CNTN4: variants seen among roughly 807,000 people sequenced by gnomAD.
The protein encoded by CNTN4 is contactin 4, also known as contactin-4.
A neutral mutation model predicts 122.5 loss-of-function variants in CNTN4; 77 were observed. That is an observed-to-expected ratio of 0.63 (90% CI 0.52 to 0.76). The LOEUF (loss-of-function observed/expected upper bound fraction) is 0.76, where lower values mean the gene tolerates loss of function less well. Among genes scored for constraint, CNTN4 ranks in the 30% least tolerant of loss-of-function variants. CNTN4 has a pLI of 0.00. For synonymous variants in CNTN4, 512 were observed against 447.0 expected, an observed-to-expected ratio of 1.15 and a Z score of -1.83; for missense variants, 1,256 against 1,259.1, an observed-to-expected ratio of 1.00 and a Z score of 0.04.
rs905324932 is a variant in CNTN4 at position 2,887,156 on chromosome 3, G to T, written c.872G>T (p.Gly291Val). Residue 291 changes from glycine (G) to valine (V), a missense_variant, in exon 10 of 25, where the codon GGT becomes GTT. Gly to Val is a moderately radical substitution (Grantham distance 109). Coordinates refer to ENST00000418658, the MANE Select transcript of CNTN4 (RefSeq NM_175607.3). Reference sequence around the variant, plus strand: ...CCTAATTTTCAGCAGGAGGATGCTGGTTTATATGAATGTGTAGCTGAAAAT... The same window carrying T: ...CCTAATTTTCAGCAGGAGGATGCTGTTTTATATGAATGTGTAGCTGAAAAT... ...EIPNFQQEDAGLYECVAENSR... is the reference protein window; with the variant it reads ...EIPNFQQEDAVLYECVAENSR... 1 of 1,613,998 alleles carries T rather than the reference G, an allele frequency of 6.2e-7. No homozygotes were observed. The highest frequency in any genetic ancestry group is 8.5e-7 in the Non-Finnish European group (1 of 1,180,030).
At chr3:2,243,874 G>C (rs2040037862) in intron 2 of CNTN4, among the ~76,000 whole-genome samples, 1 of 152,070 alleles carries the variant, frequency 6.6e-6, no homozygotes, top group Non-Finnish European at 1.5e-5. Context: ...CTGCAGTATA[G>C]GCTGGTTGCC....
At chr3:3,049,123 C>A (rs937458010) in intron 23 of CNTN4, among the ~76,000 whole-genome samples, 1 of 152,208 alleles carries the variant, frequency 6.6e-6, no homozygotes, top group Non-Finnish European at 1.5e-5. Context: ...CCCTCTGTCA[C>A]GCAAGGTGGA....
At chr3:2,803,124 G>A (rs962831770) in intron 6 of CNTN4, among the ~76,000 whole-genome samples, 3 of 152,116 alleles carry the variant, frequency 2.0e-5, no homozygotes, top group African/African-American at 7.2e-5. Flanking sequence ...ATATAACTGG[G>A]TAAATGATAT....
chr3:2,310,561 T>A (rs1355658792), intron 2 of CNTN4, among the ~76,000 whole-genome samples: 1 of 152,118 alleles, frequency 6.6e-6, no homozygotes, highest in Non-Finnish European at 1.5e-5. Context: ...CATCACACTT[T>A]CTCCTTATTT....
chr3:2,188,883 A>C (rs1250645304), intron 2 of CNTN4, among the ~76,000 whole-genome samples: 5 of 151,924 alleles, frequency 3.3e-5, no homozygotes, highest in African/African-American at 1.2e-4. Flanking sequence ...AGCTACAAAG[A>C]CTCCCTGTGC....
chr3:2,116,986 C>T (rs905228924), intron 2 of CNTN4, among the ~76,000 whole-genome samples: 5 of 152,140 alleles, frequency 3.3e-5, no homozygotes, highest in Non-Finnish European at 7.4e-5. Context: ...ACCCACACAT[C>T]AAGCAAGCAA....
At chr3:2,782,991 T>G (rs1420775657) in intron 6 of CNTN4, among the ~76,000 whole-genome samples, 1 of 152,030 alleles carries the variant, frequency 6.6e-6, no homozygotes, top group Non-Finnish European at 1.5e-5. Context: ...ACTTTAGAGG[T>G]GAGGAGTGCC....
chr3:2,627,488 GTCTTTTTTT>G lies in CNTN4; in HGVS notation c.55+55932_55+55940del, dbSNP rs199737626. Among the ~76,000 whole-genome samples the G allele has an allele frequency of 2.1e-3, 285 of 138,830 alleles. 6 individuals are homozygous for G. The East Asian group carries it at 0.054, about 26-fold the overall frequency. The allele number at this position is 138,830 out of a possible 152,430, so 91.1% of individuals were successfully genotyped here. ...CACATGAGGGATGTTGCCATTAAGT[GTCTTTTTTT>G]TTTTTTTTTTTTTTGAGATGGAATC... is the stretch of plus-strand genomic sequence containing the variant. On this transcript the variant is annotated intron_variant, in intron 4 of 24. Coordinates refer to ENST00000418658, the MANE Select transcript of CNTN4 (RefSeq NM_175607.3).
chr3:3,013,941 A>C (rs1477640215), intron 14 of CNTN4, among the ~76,000 whole-genome samples: 3 of 151,986 alleles, frequency 2.0e-5, no homozygotes, highest in Non-Finnish European at 2.9e-5. Context: ...TTGCCTCACT[A>C]TCTTTCCTAC....
chr3:2,233,786 A>T (rs1168890148), intron 2 of CNTN4, among the ~76,000 whole-genome samples: 1 of 152,186 alleles, frequency 6.6e-6, no homozygotes, highest in Non-Finnish European at 1.5e-5. Flanking sequence ...TCATTATAAT[A>T]AGTAAAGACT....
In CNTN4 at chr3:2,841,195, C is replaced by T. The variant is rs1206199270; in HGVS notation, c.454+21614C>T. On this transcript the variant is annotated intron_variant, in intron 7 of 24. Coordinates refer to ENST00000418658, the MANE Select transcript of CNTN4 (RefSeq NM_175607.3). The surrounding 1 kb of genome is among the most constrained non-coding windows in gnomAD (Gnocchi z 4.8). ...AAATATCTGTCTTTGTTTGCATTGC[C>T]CAAAGAAGTTGGATCAAAAGAGTTA... is the stretch of plus-strand genomic sequence containing the variant. 6.6e-6 allele frequency among the ~76,000 whole-genome samples: 1 copy of T among 152,054 alleles called. No homozygotes were observed. The highest frequency in any genetic ancestry group is 1.5e-5 in the Non-Finnish European group (1 of 68,016).
intron 3 of CNTN4, among the ~76,000 whole-genome samples, chr3:2,393,468 C>T (rs72996049): frequency 0.14 from 21,817 of 152,002 alleles, 1,960 homozygotes; most frequent in Middle Eastern, 0.21. Context: ...CTTTTTAGTA[C>T]ATTTCTGTTT....
intron 6 of CNTN4, among the ~76,000 whole-genome samples, chr3:2,755,538 A>G (rs1392638952): frequency 6.6e-6 from 1 of 152,224 alleles, no homozygotes. Context: ...TACTAGACAG[A>G]AAGACATTAA....
intron 3 of CNTN4, among the ~76,000 whole-genome samples, chr3:2,506,318 A>G (rs1393683042): frequency 1.3e-5 from 2 of 152,240 alleles, no homozygotes; most frequent in Non-Finnish European, 2.9e-5. Context: ...GCTCAGTACC[A>G]GAGCCGAAGA....
chr3:2,832,467 G>T (rs770612180), intron 7 of CNTN4, among the ~76,000 whole-genome samples: 3 of 152,180 alleles, frequency 2.0e-5, no homozygotes, highest in Non-Finnish European at 4.4e-5. Context: ...ATGTAAAATA[G>T]AAGGACATCA....
At chr3:2,272,971 T>A (rs570143617) in intron 2 of CNTN4, among the ~76,000 whole-genome samples, 1 of 152,246 alleles carries the variant, frequency 6.6e-6, no homozygotes, top group African/African-American at 2.4e-5. Context: ...CCCAAAGCCC[T>A]GCGTCTTGAG....
At chr3:2,221,776 G>A (rs1419050679) in intron 2 of CNTN4, among the ~76,000 whole-genome samples, 1 of 152,042 alleles carries the variant, frequency 6.6e-6, no homozygotes, top group African/African-American at 2.4e-5. Flanking sequence ...CTAGTAGCGA[G>A]CATGCATATG....
intron 13 of CNTN4, among the ~76,000 whole-genome samples, chr3:2,963,525 G>A (rs1161352678): frequency 4.6e-5 from 7 of 152,130 alleles, no homozygotes; most frequent in Non-Finnish European, 1.0e-4. Flanking sequence ...AAATCCTGCT[G>A]TTTCCTTAGG....
chr3:3,002,065 T>G (rs1696098619), intron 14 of CNTN4, among the ~76,000 whole-genome samples: 1 of 152,364 alleles, frequency 6.6e-6, no homozygotes, highest in South Asian at 2.1e-4. Flanking sequence ...AAAAGACTTC[T>G]TTCTCTCTCT....
Sources: gnomAD v4.1 joint callset for allele counts (sites outside exome capture counted in the v4.1 genomes callset) on GRCh38, gnomAD v4.1.1 for gene constraint, Gnocchi (gnomAD v3.1) non-coding constraint, MANE v1.5 for transcripts, NCBI Gene and HGNC (gene_info 2026-07-23, HGNC 2026-07-21) for gene names.